The following TBC1D20 variants were observed in gnomAD, a reference collection of about 807,000 sequenced individuals.
TBC1D20 encodes chromosome 20 open reading frame 140.
A neutral mutation model predicts 41.6 loss-of-function variants in TBC1D20; 12 were observed. That is an observed-to-expected ratio of 0.29 (90% confidence interval 0.18 to 0.47). TBC1D20 has a LOEUF of 0.47. Among genes scored for constraint, TBC1D20 ranks in the 20% least tolerant of loss-of-function variants. TBC1D20 has a pLI of 1.00. For synonymous variants in TBC1D20, 205 were observed against 204.8 expected (o/e 1.00, Z -0.01); for missense variants, 421 against 517.4 (o/e 0.81, Z 1.81).
At chr20:442,086 C>T (rs770207747) in intron 3 of TBC1D20, 43 bp from the exon 4 acceptor site, 11 of 1,507,216 alleles carry the variant, frequency 7.3e-6, no homozygotes, top group Admixed American at 6.4e-5. Context: ...ACCAAGCAGC[C>T]TAGTTAACAA....
At chr20:458,323 T>C (rs2017575851) in intron 1 of TBC1D20, among the ~76,000 whole-genome samples, 1 of 150,816 alleles carries the variant, frequency 6.6e-6, no homozygotes, top group East Asian at 1.9e-4. Context: ...AATTTTTTTT[T>C]TTTTTTTAGA....
intron 1 of TBC1D20, among the ~76,000 whole-genome samples, chr20:449,285 T>TAAAAAAAAAA (rs1169245536): frequency 1.8e-5 from 1 of 56,930 alleles, no homozygotes; most frequent in Non-Finnish European, 2.9e-5. Context: ...CCCAATACAT[T>TAAAAAAAAAA]AAAAAAAAAA....
At chr20:446,942 CATTTTT>C (rs1316546879) in intron 2 of TBC1D20, among the ~76,000 whole-genome samples, 2 of 128,588 alleles carry the variant, frequency 1.6e-5, no homozygotes, top group East Asian at 4.2e-4. Flanking sequence ...ACAAAATACG[CATTTTT>C]TTTTTTTTTT....
At chr20:457,050 C>T (rs907626970) in intron 1 of TBC1D20, among the ~76,000 whole-genome samples, 2 of 151,276 alleles carry the variant, frequency 1.3e-5, no homozygotes, top group African/African-American at 4.9e-5. Flanking sequence ...AATTCTCCTG[C>T]CTCAGCCTCC....
At chr20:445,346 CAGACTGCCCAGG>C (rs964181712) in intron 2 of TBC1D20, among the ~76,000 whole-genome samples, 2 of 152,152 alleles carry the variant, frequency 1.3e-5, no homozygotes, top group Non-Finnish European at 2.9e-5. Flanking sequence ...GAAGGGAGCA[CAGACTGCCCAGG>C]AGACAATACA....
intron 1 of TBC1D20, among the ~76,000 whole-genome samples, chr20:458,576 G>C (rs1328808684): frequency 6.6e-6 from 1 of 152,090 alleles, no homozygotes; most frequent in Non-Finnish European, 1.5e-5. Context: ...ACCTCCCAAA[G>C]TGCTGGGATT....
intron 1 of TBC1D20, among the ~76,000 whole-genome samples, chr20:449,285 TAAA>T (rs1169245536): frequency 1.2e-3 from 67 of 56,930 alleles, no homozygotes; most frequent in African/African-American, 5.1e-3. Flanking sequence ...CCCAATACAT[TAAA>T]AAAAAAAAAA....
intron 3 of TBC1D20, among the ~76,000 whole-genome samples, chr20:444,577 A>T (rs368534529): frequency 1.8e-4 from 27 of 152,122 alleles, no homozygotes; most frequent in African/African-American, 6.0e-4. Flanking sequence ...GTTTTTATTT[A>T]TTTATTTTTT....
At chr20:442,936 A>C (rs2017266401) in intron 3 of TBC1D20, among the ~76,000 whole-genome samples, 1 of 151,996 alleles carries the variant, frequency 6.6e-6, no homozygotes, top group Admixed American at 6.6e-5. Context: ...CGTCTCTAAT[A>C]AAAAATACAA....
At chr20:446,000 A>G (rs2017324874) in intron 2 of TBC1D20, among the ~76,000 whole-genome samples, 1 of 152,258 alleles carries the variant, frequency 6.6e-6, no homozygotes, top group South Asian at 2.1e-4. Flanking sequence ...TGGCAACTCA[A>G]CACCTACTGG....
In TBC1D20 at chr20:447,877, C is replaced by G. The variant is rs757173914; in HGVS notation, c.256+12G>C. Reference sequence around the variant, plus strand: ...GATAAGCTCCCCTCACAGCCTCCCCCACTCCCCTTACCTGATATAGGAGGT... The same window carrying G: ...GATAAGCTCCCCTCACAGCCTCCCCGACTCCCCTTACCTGATATAGGAGGT... On this transcript the variant is annotated intron_variant, in intron 2 of 7. Transcript: ENST00000354200. 5.6e-5 allele frequency: 89 copies of G among 1,592,744 alleles called. No homozygotes were observed. In the East Asian group the frequency reaches 1.7e-3, roughly 31 times the overall value.
At chr20:446,184 CA>C (rs1478439732) in intron 2 of TBC1D20, among the ~76,000 whole-genome samples, 3 of 152,256 alleles carry the variant, frequency 2.0e-5, no homozygotes. Context: ...GAATGAGCAG[CA>C]GAGTGGATTC....
chr20:439,026 C>G lies in TBC1D20; in HGVS notation c.956+82G>C. On this transcript the variant is annotated intron_variant, in intron 7 of 7. Coordinates refer to ENST00000354200, the MANE Select transcript of TBC1D20 (RefSeq NM_144628.4). The surrounding 1 kb of genome is among the most constrained non-coding windows in gnomAD (Gnocchi z 4.6). The stretch of plus-strand genomic sequence containing the variant: ...AGATCTCTGGAAACATGCCCCAACC[C>G]TATCCCACCAGACACAAACCTTCCC... The G allele has an allele frequency of 1.3e-6, 2 of 1,524,998 alleles. No homozygotes were observed. The highest frequency in any genetic ancestry group is 1.8e-6 in the Non-Finnish European group (2 of 1,126,916). 94.5% of individuals were successfully genotyped at this position (1,524,998 alleles called of 1,614,324 possible). A position where few individuals can be genotyped will look rare whatever the true frequency, so the allele number is the denominator to read the frequency against.
chr20:453,361 C>G (rs1302211527), intron 1 of TBC1D20, among the ~76,000 whole-genome samples: 1 of 148,366 alleles, frequency 6.7e-6, no homozygotes, highest in Non-Finnish European at 1.5e-5. Context: ...GTAATCCCAG[C>G]TACTCGGGAG....
chr20:443,903 C>T (rs2017283628), intron 3 of TBC1D20, among the ~76,000 whole-genome samples: 1 of 152,038 alleles, frequency 6.6e-6, no homozygotes, highest in African/African-American at 2.4e-5. Context: ...GTACGTGCAT[C>T]ACCTGAGGTC....
At position 449,362 on chromosome 20, in the gene TBC1D20, C is replaced by T. The variant is rs192081549; in HGVS notation, c.71-1288G>A. Among the ~76,000 whole-genome samples the T allele has an allele frequency of 8.5e-3, 1,247 of 146,918 alleles. 10 individuals are homozygous for T. Among genetic ancestry groups the T allele is most frequent in the Non-Finnish European group, 0.012 (780 of 67,360 alleles). ...CTGTAATCCCAGCACTTTGGGAGGC[C>T]GAAGTGGGCAGATAATGAGGTCAGG... On this transcript the variant is annotated intron_variant, in intron 1 of 7. Coordinates refer to ENST00000354200, the MANE Select transcript of TBC1D20 (RefSeq NM_144628.4).
intron 7 of TBC1D20, 21 bp from the exon 8 acceptor site, chr20:438,862 AG>A: frequency 1.2e-6 from 2 of 1,609,922 alleles, no homozygotes; most frequent in Non-Finnish European, 1.7e-6. Flanking sequence ...AAGAGACGGA[AG>A]GAAGGAAGTG....
At chr20:456,313 C>G (rs544422636) in intron 1 of TBC1D20, among the ~76,000 whole-genome samples, 144 of 151,792 alleles carry the variant, frequency 9.5e-4, no homozygotes, top group Non-Finnish European at 1.2e-3. Context: ...TGAGATGTGT[C>G]AAGCTCTTGA....
chr20:460,840 C>T (rs1969266197), intron 1 of TBC1D20, among the ~76,000 whole-genome samples: 1 of 152,178 alleles, frequency 6.6e-6, no homozygotes, highest in African/African-American at 2.4e-5. Context: ...GAAGCAAAAT[C>T]AAGGAAACTA....
Sources: gnomAD v4.1 joint callset for allele counts (sites outside exome capture counted in the v4.1 genomes callset) on GRCh38, gnomAD v4.1.1 for gene constraint, Gnocchi (gnomAD v3.1) non-coding constraint, MANE v1.5 for transcripts, NCBI Gene and HGNC (gene_info 2026-07-23, HGNC 2026-07-21) for gene names.